Variants in FBXO25 observed in about 807,000 individuals in gnomAD.
FBXO25 encodes F-box protein 25.
A neutral mutation model predicts 51.9 loss-of-function variants in FBXO25; 45 were observed. The ratio of observed to expected loss-of-function variants is 0.87; its 90% CI spans 0.68 to 1.11. FBXO25 has a LOEUF of 1.11. FBXO25 is among the 50% of genes most tolerant of loss of function. FBXO25 has a pLI of 0.00. For synonymous variants in FBXO25, 199 were observed against 151.0 expected (o/e 1.32, Z -2.33); for missense variants, 507 against 428.5 (o/e 1.18, Z -1.62).
chr8:425,770 A>T (rs968708439), intron 2 of FBXO25, among the ~76,000 whole-genome samples: 13 of 152,050 alleles, frequency 8.5e-5, no homozygotes, highest in African/African-American at 2.9e-4. Context: ...GAGCCAATCC[A>T]AGACTGTTTT....
Position 469,454 on chromosome 8 carries a change from T to C in FBXO25, c.*650T>C, listed in dbSNP as rs776762377. ...TTCTGGCAGGGCACCCCTGCTGGGG[T>C]TGGGGGCTGGTCTGTGCATAATCCT... is the stretch of plus-strand genomic sequence containing the variant. On this transcript the variant is annotated 3_prime_UTR_variant, in exon 10 of 10. Coordinates refer to ENST00000350302, the MANE Select transcript of FBXO25 (RefSeq NM_183420.2). The C allele has an allele frequency of 2.6e-5, 4 of 152,428 alleles. No homozygotes were observed. Among genetic ancestry groups the C allele is most frequent in the South Asian group, 4.1e-4 (2 of 4,822 alleles). The allele number at this position is 152,428 out of a possible 1,614,324, so 9.4% of individuals were successfully genotyped here.
At chr8:467,670 T>TC (rs766738888) in intron 9 of FBXO25, 7 of 1,599,232 alleles carry the variant, frequency 4.4e-6, no homozygotes, top group South Asian at 3.3e-5. Flanking sequence ...TTCCTTTTTT[T>TC]CCCTCCCTTC....
At chr8:428,854 T>G (rs1335816375) in intron 2 of FBXO25, among the ~76,000 whole-genome samples, 1 of 152,246 alleles carries the variant, frequency 6.6e-6, no homozygotes, top group African/African-American at 2.4e-5. Flanking sequence ...AGCCCTGTTG[T>G]AGCATGTGTC....
intron 2 of FBXO25, among the ~76,000 whole-genome samples, chr8:420,212 T>A (rs1411897445): frequency 6.6e-6 from 1 of 152,182 alleles, no homozygotes; most frequent in Non-Finnish European, 1.5e-5. Flanking sequence ...TGGAAGGCTG[T>A]GCACCTTCCT....
chr8:474,482 T>C lies in FBXO25; in HGVS notation c.*5678T>C. ...TTCTTAGGGCACTGCCATAAGTGTT[T>C]TACACGGTGGCTGCACCATTTTACA... On this transcript the variant is annotated 3_prime_UTR_variant, in exon 10 of 10. Coordinates refer to ENST00000350302, the MANE Select transcript of FBXO25 (RefSeq NM_183420.2). 1 of 331,792 alleles carries C rather than the reference T, an allele frequency of 3.0e-6. No homozygotes were observed. Among genetic ancestry groups the C allele is most frequent in the Non-Finnish European group, 5.8e-6 (1 of 172,522 alleles). 20.6% of individuals were successfully genotyped at this position (331,792 alleles called of 1,614,324 possible).
At chr8:445,404 A>G (rs899561425) in intron 5 of FBXO25, among the ~76,000 whole-genome samples, 3 of 152,258 alleles carry the variant, frequency 2.0e-5, no homozygotes, top group African/African-American at 7.2e-5. Context: ...CTAGTGGAGC[A>G]GCAGTTCCAA....
In FBXO25 at chr8:467,992, T is replaced by C. The variant is rs147333165; in HGVS notation, c.988-723T>C. 5 of 1,361,312 alleles carry C rather than the reference T, an allele frequency of 3.7e-6. No homozygotes were observed. The African/African-American group carries it at 4.4e-5, about 12-fold the overall frequency. The allele number at this position is 1,361,312 out of a possible 1,614,324, so 84.3% of individuals were successfully genotyped here. A position where few individuals can be genotyped will look rare whatever the true frequency, so the allele number is the denominator to read the frequency against. On this transcript the variant is annotated intron_variant, in intron 9 of 9. Transcript: ENST00000350302. ...TGAGGGAGGCTGCTAGATGTGCGCA[T>C]AAACACTTCACCACACAGCACCTGG...
At chr8:424,921 G>C (rs1401711293) in intron 2 of FBXO25, among the ~76,000 whole-genome samples, 1 of 151,888 alleles carries the variant, frequency 6.6e-6, no homozygotes, top group Non-Finnish European at 1.5e-5. Context: ...AACTTGTTTA[G>C]CTCTAAGAAA....
At chr8:419,000 C>T (rs1585011132) in intron 2 of FBXO25, among the ~76,000 whole-genome samples, 1 of 152,150 alleles carries the variant, frequency 6.6e-6, no homozygotes, top group South Asian at 2.1e-4. Flanking sequence ...ACAAAAACCA[C>T]AAGCTGTGAA....
Position 471,973 on chromosome 8 carries a change from C to G in FBXO25, c.*3169C>G, listed in dbSNP as rs1344069283. 1 of 152,208 alleles carries G rather than the reference C, an allele frequency of 6.6e-6. No individual in the cohort carries two copies. The highest frequency in any genetic ancestry group is 2.4e-5 in the African/African-American group (1 of 41,458). 9.4% of individuals were successfully genotyped at this position (152,208 alleles called of 1,614,324 possible). A position where few individuals can be genotyped will look rare whatever the true frequency, so the allele number is the denominator to read the frequency against. On this transcript the variant is annotated 3_prime_UTR_variant, in exon 10 of 10. Coordinates refer to ENST00000350302, the MANE Select transcript of FBXO25 (RefSeq NM_183420.2). ...ATAAGATTTATCAGCTCTTTTAACA[C>G]CTTTGTAGATTCCTGATGCTGTGTA...
At chr8:422,846 C>T (rs896479776) in intron 2 of FBXO25, among the ~76,000 whole-genome samples, 11 of 152,104 alleles carry the variant, frequency 7.2e-5, no homozygotes, top group African/African-American at 2.2e-4. Context: ...GACTTAATAG[C>T]TATATGGAGC....
intron 7 of FBXO25, among the ~76,000 whole-genome samples, chr8:453,952 T>C (rs915758216): frequency 2.0e-5 from 3 of 152,252 alleles, no homozygotes; most frequent in Admixed American, 1.3e-4. Context: ...GGTGAAACGC[T>C]GTCTTTACTA....
At position 470,882 on chromosome 8, in the gene FBXO25, A is replaced by G. The variant is rs889288677; in HGVS notation, c.*2078A>G. The G allele has an allele frequency of 6.6e-6, 1 of 152,072 alleles. No homozygotes were observed. Among genetic ancestry groups the G allele is most frequent in the African/African-American group, 2.4e-5 (1 of 41,402 alleles). 9.4% of individuals were successfully genotyped at this position (152,072 alleles called of 1,614,324 possible). On this transcript the variant is annotated 3_prime_UTR_variant, in exon 10 of 10. Transcript: ENST00000350302. ...TTTTTGGTAAATTACTTAATGTGGT[A>G]TTTGCCTGTTTTTTGGGGTGGATGT...
At chr8:410,076 T>C (rs1375970413) in intron 1 of FBXO25, among the ~76,000 whole-genome samples, 1 of 152,204 alleles carries the variant, frequency 6.6e-6, no homozygotes. Context: ...CTAACCATGC[T>C]TCAGGGCGAA....
In FBXO25 at chr8:468,188, G is replaced by T. The variant is rs375241213; in HGVS notation, c.988-527G>T. 2.1e-5 allele frequency: 21 copies of T among 1,014,070 alleles called. No homozygotes were observed. In the African/African-American group the frequency reaches 3.1e-4, roughly 15 times the overall value. 62.8% of individuals were successfully genotyped at this position (1,014,070 alleles called of 1,614,324 possible). On this transcript the variant is annotated intron_variant, in intron 9 of 9. Coordinates refer to ENST00000350302, the MANE Select transcript of FBXO25 (RefSeq NM_183420.2). ...TAATTCTGGATCCTTAGGTATGTGA[G>T]CATGGCCAGCTCCCTTGGAGCAAGC...
chr8:421,730 A>C (rs1171666536), intron 2 of FBXO25, among the ~76,000 whole-genome samples: 4 of 152,164 alleles, frequency 2.6e-5, no homozygotes, highest in Non-Finnish European at 5.9e-5. Flanking sequence ...AGCCAGCCTG[A>C]GATGGTGGAT....
intron 9 of FBXO25, among the ~76,000 whole-genome samples, chr8:465,242 G>A (rs1800076581): frequency 6.6e-6 from 1 of 152,164 alleles, no homozygotes; most frequent in African/African-American, 2.4e-5. Flanking sequence ...GTTCTTCTCT[G>A]AAATATTAAC....
chr8:449,758 C>T (rs1798962305), intron 5 of FBXO25, among the ~76,000 whole-genome samples: 1 of 152,198 alleles, frequency 6.6e-6, no homozygotes, highest in Admixed American at 6.5e-5. Context: ...GAATAGCCTG[C>T]AAGACTAGAA....
rs1049953383 is a variant in FBXO25, at chr8:477,067, T to G, written c.*8263T>G. The G allele has an allele frequency of 1.3e-5, 2 of 152,236 alleles. No individual in the cohort carries two copies. Among genetic ancestry groups the G allele is most frequent in the African/African-American group, 4.8e-5 (2 of 41,454 alleles). 9.4% of individuals were successfully genotyped at this position (152,236 alleles called of 1,614,324 possible). ...TTAATCTGCTGGTTGAGAGCGTTGT[T>G]TAATTTTCACATAATTGTGTACTTT... On this transcript the variant is annotated 3_prime_UTR_variant, in exon 10 of 10. Transcript: ENST00000350302.
Sources: gnomAD v4.1 joint callset for allele counts (sites outside exome capture counted in the v4.1 genomes callset) on GRCh38, gnomAD v4.1.1 for gene constraint, MANE v1.5 for transcripts, NCBI Gene and HGNC (gene_info 2026-07-23, HGNC 2026-07-21) for gene names.